The following PTPRD variants were observed in gnomAD, a reference collection of about 807,000 sequenced individuals.
PTPRD encodes protein tyrosine phosphatase receptor type D, also known as receptor-type tyrosine-protein phosphatase delta.
PTPRD carries 34 observed loss-of-function variants against 214.5 expected under a neutral mutation model. The observed-to-expected ratio is 0.16, with a 90% CI of 0.12 to 0.21. The LOEUF is 0.21. Among genes scored for constraint, PTPRD ranks in the 10% least tolerant of loss-of-function variants. The pLI, the probability that PTPRD is intolerant of heterozygous loss-of-function variation, is 1.00. For missense variants in PTPRD, 2,545 were observed against 2,398.7 expected, an observed-to-expected ratio of 1.06 and a Z score of -1.27; for synonymous variants, 1,128 against 845.7, an observed-to-expected ratio of 1.33 and a Z score of -5.79.
intron 10 of PTPRD, among the ~76,000 whole-genome samples, chr9:9,054,630 A>G (rs1176247350): frequency 6.6e-6 from 1 of 152,154 alleles, no homozygotes; most frequent in Non-Finnish European, 1.5e-5. Flanking sequence ...AAAAATCTCC[A>G]TGAAATGTGC....
intron 11 of PTPRD, among the ~76,000 whole-genome samples, chr9:8,840,016 T>C (rs983918032): frequency 3.3e-5 from 5 of 152,222 alleles, no homozygotes; most frequent in African/African-American, 4.8e-5. Context: ...GCAAAAGGAC[T>C]ATAAGCAACA....
rs891465933 is a variant in PTPRD at position 9,728,510 on chromosome 9, T to G, written c.-287+6023A>C. On this transcript the variant is annotated intron_variant, in intron 7 of 45. Transcript: ENST00000381196. ...GTGGCATTTAAATTACTATGGATCC[T>G]AAAAAGTAAAAATGAAATAGCAGAG... Among the ~76,000 whole-genome samples, 4 of 152,242 alleles carry G rather than the reference T, an allele frequency of 2.6e-5. No individual in the cohort carries two copies. In the East Asian group the frequency reaches 7.7e-4, roughly 29 times the overall value.
At chr9:10,395,894 G>C (rs1418085637) in intron 2 of PTPRD, among the ~76,000 whole-genome samples, 1 of 151,552 alleles carries the variant, frequency 6.6e-6, no homozygotes, top group Non-Finnish European at 1.5e-5. Flanking sequence ...GAAACACTGT[G>C]GTCCTGAAGT....
intron 8 of PTPRD, among the ~76,000 whole-genome samples, chr9:9,498,574 G>A (rs1483688103): frequency 6.6e-6 from 1 of 152,038 alleles, no homozygotes; most frequent in African/African-American, 2.4e-5. Context: ...GTGGCAGGCA[G>A]ATTTACTGGG....
At chr9:10,451,810 C>T (rs916631127) in intron 2 of PTPRD, among the ~76,000 whole-genome samples, 4 of 151,980 alleles carry the variant, frequency 2.6e-5, no homozygotes, top group Non-Finnish European at 5.9e-5. Context: ...TTCTTAGCTC[C>T]TTCTAAAACT....
At chr9:9,954,292 C>CA (rs2093704469) in intron 4 of PTPRD, among the ~76,000 whole-genome samples, 2 of 4,348 alleles carry the variant, frequency 4.6e-4, no homozygotes, top group Admixed American at 2.5e-3. Flanking sequence ...GACTCTGTCT[C>CA]AAAACAAAAA....
intron 12 of PTPRD, among the ~76,000 whole-genome samples, chr9:8,658,417 A>G (rs2096957776): frequency 6.6e-6 from 1 of 152,168 alleles, no homozygotes; most frequent in Non-Finnish European, 1.5e-5. Context: ...GACCTTTCCC[A>G]TTAAGGCAAT....
intron 3 of PTPRD, among the ~76,000 whole-genome samples, chr9:10,204,499 G>C (rs1183972446): frequency 6.6e-6 from 1 of 152,042 alleles, no homozygotes; most frequent in African/African-American, 2.4e-5. Context: ...TAGTTGGCTA[G>C]CATTAAATAT....
chr9:9,546,891 A>T (rs1200707327), intron 8 of PTPRD, among the ~76,000 whole-genome samples: 1 of 151,864 alleles, frequency 6.6e-6, no homozygotes, highest in Non-Finnish European at 1.5e-5. Flanking sequence ...CCAGGTAAAT[A>T]ATGGAACCCT....
intron 9 of PTPRD, among the ~76,000 whole-genome samples, chr9:9,348,430 C>T (rs1270122600): frequency 6.6e-6 from 1 of 152,068 alleles, no homozygotes; most frequent in Non-Finnish European, 1.5e-5. Flanking sequence ...ATGCTCAATT[C>T]CTTTGACGTT....
chr9:9,522,568 G>T (rs2097010331), intron 8 of PTPRD, among the ~76,000 whole-genome samples: 2 of 151,978 alleles, frequency 1.3e-5, no homozygotes, highest in Admixed American at 6.6e-5. Context: ...AAAAACAAAA[G>T]AATCTGGATT....
At chr9:9,109,844 A>G (rs1477029273) in intron 10 of PTPRD, among the ~76,000 whole-genome samples, 1 of 152,038 alleles carries the variant, frequency 6.6e-6, no homozygotes, top group African/African-American at 2.4e-5. Flanking sequence ...GAGTCTGGGG[A>G]TGTGCCAGGA....
At chr9:9,772,950 A>G (rs1226287508) in intron 5 of PTPRD, among the ~76,000 whole-genome samples, 3 of 152,218 alleles carry the variant, frequency 2.0e-5, no homozygotes, top group African/African-American at 7.2e-5. Flanking sequence ...TATTTATGCT[A>G]GTCCCCTTCT....
intron 5 of PTPRD, among the ~76,000 whole-genome samples, chr9:9,899,047 C>T (rs10114088): frequency 0.24 from 36,929 of 151,974 alleles, 5,490 homozygotes; most frequent in African/African-American, 0.42. Context: ...TGCAAAGTCA[C>T]AGGACACAAG....
At chr9:9,427,037 T>C (rs2081231132) in intron 8 of PTPRD, among the ~76,000 whole-genome samples, 1 of 152,070 alleles carries the variant, frequency 6.6e-6, no homozygotes, top group South Asian at 2.1e-4. Flanking sequence ...TCGCCAGCAA[T>C]GGAACAAAGC....
At chr9:8,787,060 T>G (rs1252565801) in intron 11 of PTPRD, among the ~76,000 whole-genome samples, 1 of 152,082 alleles carries the variant, frequency 6.6e-6, no homozygotes, top group Non-Finnish European at 1.5e-5. Flanking sequence ...GGTCTCGAAC[T>G]CCTGGGCTCA....
At chr9:8,648,104 A>G (rs1214664346) in intron 12 of PTPRD, among the ~76,000 whole-genome samples, 1 of 152,234 alleles carries the variant, frequency 6.6e-6, no homozygotes, top group Non-Finnish European at 1.5e-5. Context: ...ACATGCATGA[A>G]GACCATAACG....
At chr9:8,703,750 C>T (rs1207019454) in intron 12 of PTPRD, among the ~76,000 whole-genome samples, 1 of 152,070 alleles carries the variant, frequency 6.6e-6, no homozygotes, top group Non-Finnish European at 1.5e-5. Context: ...TATATGCTAG[C>T]GACTTCCAAG....
chr9:9,693,120 T>C lies in PTPRD; in HGVS notation c.-287+41413A>G, dbSNP rs548593759. ...TTTGGATGCCCTTTATTTCTTTCTC[T>C]TGTCTGTTTGGTCTAGCTAAGACTT... On this transcript the variant is annotated intron_variant, in intron 7 of 45. Transcript: ENST00000381196. Among the ~76,000 whole-genome samples the C allele has an allele frequency of 4.6e-5, 7 of 151,460 alleles. 1 individual carries two copies. In the East Asian group the frequency reaches 1.4e-3, roughly 29 times the overall value.
Sources: allele counts gnomAD v4.1 joint callset (sites outside exome capture counted in the v4.1 genomes callset), GRCh38; gene constraint gnomAD v4.1.1; transcripts MANE v1.5; gene names NCBI Gene and HGNC (gene_info 2026-07-23, HGNC 2026-07-21).